The following ZFC3H1 variants were observed in gnomAD, a reference collection of about 807,000 sequenced individuals.
The protein encoded by ZFC3H1 is zinc finger C3H1-type containing.
Under a neutral mutation model 243.7 loss-of-function variants are expected in ZFC3H1, and 71 were observed. The ratio of observed to expected loss-of-function variants is 0.29; its 90% CI spans 0.24 to 0.36. The LOEUF (loss-of-function observed/expected upper bound fraction) is 0.36. Ranked by LOEUF, ZFC3H1 falls within the 10% of genes least tolerant of loss-of-function variation. ZFC3H1 has a pLI of 1.00. For missense variants in ZFC3H1, 1,966 were observed against 2,317.1 expected (o/e 0.85, Z 3.11); for synonymous variants, 838 against 813.0 (o/e 1.03, Z -0.52).
intron 9 of ZFC3H1, among the ~76,000 whole-genome samples, 194 bp downstream of exon 9, chr12:71,636,296 T>G (rs1433128867): frequency 2.6e-5 from 4 of 152,162 alleles, no homozygotes; most frequent in African/African-American, 7.2e-5. Context: ...ACCAAACTCT[T>G]ACCAGTTTTC....
Position 71,632,177 on chromosome 12 carries a change from T to C in ZFC3H1, c.3155A>G (p.Tyr1052Cys). 1 of 1,603,382 alleles carries C rather than the reference T, an allele frequency of 6.2e-7. No individual in the cohort carries two copies. The highest frequency in any genetic ancestry group is 2.2e-5 in the East Asian group (1 of 44,784). The change falls in exon 15 of 35, where the codon TAT becomes TGT. Residue 1052 changes from tyrosine (Y) to cysteine (C), a missense_variant. Tyr to Cys is a radical substitution (Grantham distance 194). Transcript: ENST00000378743. ...GTGCTTAAGGTTAGGTTTAGTAAAA[T>C]AATTGGATTCTAAAAAAGATCTTCT... ...ERRRSFLESN[Y>C]FTKPNLKHTD...
intron 9 of ZFC3H1, among the ~76,000 whole-genome samples, chr12:71,635,884 T>C (rs1880446400): frequency 6.6e-6 from 1 of 152,200 alleles, no homozygotes; most frequent in Non-Finnish European, 1.5e-5. Context: ...AAAAATTTTG[T>C]TAATTTTACA....
rs1461389522 is a variant in ZFC3H1 at position 71,633,295 on chromosome 12, T to C, written c.2654A>G (p.Asn885Ser). The C allele has an allele frequency of 6.3e-7, 1 of 1,593,388 alleles. No individual in the cohort carries two copies. Among genetic ancestry groups the C allele is most frequent in the African/African-American group, 1.4e-5 (1 of 73,658 alleles). Reference sequence around the variant, plus strand: ...CTGAAGCTTCTTCAAAAACATTCTGTTAACATTAAGAATTTTTTCAGTTGC... The same window carrying C: ...CTGAAGCTTCTTCAAAAACATTCTGCTAACATTAAGAATTTTTTCAGTTGC... ...LQATEKILNV[N>S]RMFLKKLQEQ... Residue 885 changes from asparagine (N) to serine (S), a missense_variant, in exon 13 of 35, where the codon AAC becomes AGC. By Grantham distance (46) the Asn-to-Ser change is conservative (BLOSUM62 1). This residue lies in a region of ZFC3H1 where 1,383 missense variants were observed against 1,723.7 expected (regional missense o/e 0.80). Transcript: ENST00000378743.
chr12:71,639,472 TAGTC>T (rs35297172), intron 6 of ZFC3H1: 110,798 of 215,840 alleles, frequency 0.51, 32,964 homozygotes, highest in Middle Eastern at 0.65. Flanking sequence ...GAATGTTTAA[TAGTC>T]AGACACTTGA....
In ZFC3H1 at chr12:71,663,486, C is replaced by G; in HGVS notation, c.125G>C (p.Ser42Thr). 6.2e-7 allele frequency: 1 copy of G among 1,613,238 alleles called. No individual in the cohort carries two copies. Among genetic ancestry groups the G allele is most frequent in the Non-Finnish European group, 8.5e-7 (1 of 1,180,038 alleles). The change falls in exon 1 of 35, where the codon AGC becomes ACC. Residue 42 changes from serine to threonine, a missense_variant. By Grantham distance (58) the Ser-to-Thr change is moderately conservative. Transcript: ENST00000378743. ...TAACAGCCCGCCGCCGCTGCTGCTGCTGCTGCTCCGACTCCGTATCTGGCT... is the reference window on the plus strand; with the variant it reads ...TAACAGCCCGCCGCCGCTGCTGCTGGTGCTGCTCCGACTCCGTATCTGGCT... ...NNSQIRSRSS[S>T]SSSGGGLLPY...
At chr12:71,646,237 A>T (rs927577327) in intron 3 of ZFC3H1, among the ~76,000 whole-genome samples, 1 of 152,196 alleles carries the variant, frequency 6.6e-6, no homozygotes, top group East Asian at 1.9e-4. Flanking sequence ...CACTGTTGGT[A>T]AGTACATGTA....
chr12:71,622,261 T>C (rs1269359728), intron 24 of ZFC3H1, among the ~76,000 whole-genome samples: 1 of 151,972 alleles, frequency 6.6e-6, no homozygotes, highest in African/African-American at 2.4e-5. Context: ...CCCTTAGGAG[T>C]AAAATGATAA....
At chr12:71,662,888 A>T in intron 1 of ZFC3H1, 125 bp downstream of exon 1, 1 of 981,624 alleles carries the variant, frequency 1.0e-6, no homozygotes, top group Non-Finnish European at 1.5e-6. Context: ...AACTTAAAGT[A>T]TACTGACACA....
chr12:71,621,878 CT>C (rs1180462970), intron 24 of ZFC3H1, among the ~76,000 whole-genome samples: 4 of 151,196 alleles, frequency 2.6e-5, no homozygotes, highest in Non-Finnish European at 4.4e-5. Context: ...TACCAGAATA[CT>C]TTTCTTGTAC....
intron 1 of ZFC3H1, among the ~76,000 whole-genome samples, chr12:71,662,225 A>G (rs1328933668): frequency 6.6e-6 from 1 of 152,182 alleles, no homozygotes; most frequent in African/African-American, 2.4e-5. Context: ...GAAGTAGGAA[A>G]AATCTGGAAT....
chr12:71,661,765 G>A (rs185652488), intron 1 of ZFC3H1, among the ~76,000 whole-genome samples: 27 of 152,188 alleles, frequency 1.8e-4, no homozygotes, highest in African/African-American at 6.3e-4. Context: ...ACAGGCGTGA[G>A]CCACCACGCC....
Position 71,644,263 on chromosome 12 carries a change from T to G in ZFC3H1, c.1335A>C (p.Gln445His), listed in dbSNP as rs776684149. Residue 445 changes from glutamine (Q) to histidine (H), a missense_variant, in exon 5 of 35, where the codon CAA becomes CAC. Physicochemically the swap from Gln to His is conservative, Grantham distance 24. This residue lies in a region of ZFC3H1 where 91 missense variants were observed against 107.6 expected (regional missense o/e 0.85). Transcript: ENST00000378743. ...CTTCTTTCTGTCTTTCCTGCTCTTT[T>G]TGTTGTTGTAGTTTCTTCCATGCCT... ...QTKAWKKLQQ[Q>H]KEQERQKEED... The G allele has an allele frequency of 1.2e-6, 2 of 1,613,396 alleles. No homozygotes were observed. The highest frequency in any genetic ancestry group is 2.2e-5 in the South Asian group (2 of 91,010).
chr12:71,622,798 C>T (rs1007564348), intron 24 of ZFC3H1, among the ~76,000 whole-genome samples: 1 of 152,114 alleles, frequency 6.6e-6, no homozygotes, highest in African/African-American at 2.4e-5. Context: ...AGACTATATA[C>T]TAACACACAG....
In ZFC3H1 at chr12:71,634,779, T is replaced by C; in HGVS notation, c.2285A>G (p.Asp762Gly). ...KVPPKSEKEN[D>G]PLRTPEALPE... ...CAAAGCCTCCGGTGTTCGCAGAGGA[T>C]CATTTTCTTTTTCAGATTTTGGAGG... Residue 762 changes from aspartate (D) to glycine (G), a missense_variant, in exon 11 of 35, where the codon GAT becomes GGT. Asp to Gly is a moderately conservative substitution (Grantham distance 94, BLOSUM62 -1). Around this residue, in one of 4 missense-constraint regions of ZFC3H1, gnomAD observed 1,383 missense variants for 1,723.7 expected, o/e 0.80. Transcript: ENST00000378743. 1.2e-6 allele frequency: 2 copies of C among 1,607,738 alleles called. No homozygotes were observed. Among genetic ancestry groups the C allele is most frequent in the Non-Finnish European group, 1.7e-6 (2 of 1,177,882 alleles).
intron 24 of ZFC3H1, among the ~76,000 whole-genome samples, chr12:71,621,480 T>G (rs1048933906): frequency 1.3e-5 from 2 of 152,090 alleles, no homozygotes; most frequent in Admixed American, 1.3e-4. Flanking sequence ...GTTTTTGTAT[T>G]TTTAGTAGAG....
Position 71,629,150 on chromosome 12 carries a change from G to C in ZFC3H1, c.3827-113C>G, listed in dbSNP as rs148253027. 2.7e-4 allele frequency: 251 copies of C among 913,534 alleles called. 2 individuals are homozygous for C. The African/African-American group carries it at 4.1e-3, about 15-fold the overall frequency. 56.6% of individuals were successfully genotyped at this position (913,534 alleles called of 1,614,324 possible). On this transcript the variant is annotated intron_variant, in intron 19 of 34. Coordinates refer to ENST00000378743, the MANE Select transcript of ZFC3H1 (RefSeq NM_144982.5). Reference sequence around the variant, plus strand: ...ACTACATTCACTCCATCTTAGAAATGATACGTATTTTTTTTTTTTTTTTGA... The same window carrying C: ...ACTACATTCACTCCATCTTAGAAATCATACGTATTTTTTTTTTTTTTTTGA...
intron 1 of ZFC3H1, among the ~76,000 whole-genome samples, chr12:71,660,652 A>G (rs147762996): frequency 6.8e-4 from 103 of 152,154 alleles, no homozygotes; most frequent in African/African-American, 2.3e-3. Flanking sequence ...CAGAAAGCCC[A>G]CTCACCTCCC....
intron 1 of ZFC3H1, among the ~76,000 whole-genome samples, chr12:71,662,418 T>A (rs950856544): frequency 6.6e-6 from 1 of 151,654 alleles, no homozygotes; most frequent in African/African-American, 2.4e-5. Flanking sequence ...GGAGGTAAAG[T>A]GTTCCAAAAA....
intron 6 of ZFC3H1, among the ~76,000 whole-genome samples, chr12:71,641,792 T>G (rs534484556): frequency 6.6e-6 from 1 of 152,350 alleles, no homozygotes; most frequent in Admixed American, 6.5e-5. Context: ...GAAAGTATCT[T>G]GGATATAAAG....
Sources: allele counts gnomAD v4.1 joint callset (sites outside exome capture counted in the v4.1 genomes callset), GRCh38; gene constraint gnomAD v4.1.1; regional missense constraint gnomAD v4.1.1; transcripts MANE v1.5; gene names NCBI Gene and HGNC (gene_info 2026-07-23, HGNC 2026-07-21).